CHTF18: variants seen among roughly 807,000 people sequenced by gnomAD.
CHTF18 encodes chromosome transmission fidelity factor 18.
Under a neutral mutation model 113.4 loss-of-function variants are expected in CHTF18, and 151 were observed. That is an observed-to-expected ratio of 1.33 (90% CI 1.17 to 1.52). The LOEUF (loss-of-function observed/expected upper bound fraction) is 1.52. Ranked by LOEUF, CHTF18 falls within the 40% of genes most tolerant of loss-of-function variation. The probability of loss-of-function intolerance (pLI) is 0.00; values close to 1 mark genes in which losing one functional copy is unlikely to be tolerated. For missense variants in CHTF18, 1,982 were observed against 1,381.6 expected (o/e 1.43, Z -6.89); for synonymous variants, 916 against 598.8 (o/e 1.53, Z -7.74).
Position 789,534 on chromosome 16 carries a change from G to A in CHTF18, c.438-13G>A, listed in dbSNP as rs577737771. 4.4e-6 allele frequency: 7 copies of A among 1,585,860 alleles called. No individual in the cohort carries two copies. The highest frequency in any genetic ancestry group is 3.5e-5 in the Admixed American group (2 of 57,818). On this transcript the variant is annotated splice_polypyrimidine_tract_variant and intron_variant, in intron 3 of 21. Transcript: ENST00000262315. ...GCTTGAGTTTCTGCCACTGAGCCCCGGTCTCTCTCCAGAGTCTCAGAAGCT... is the reference window on the plus strand; with the variant it reads ...GCTTGAGTTTCTGCCACTGAGCCCCAGTCTCTCTCCAGAGTCTCAGAAGCT...
At chr16:794,744 T>G (rs1479842522) in intron 15 of CHTF18, 2 of 261,816 alleles carry the variant, frequency 7.6e-6, no homozygotes, top group South Asian at 5.6e-5. Context: ...GGAACAGGGG[T>G]GGGGACGCCA....
chr16:793,146 C>T lies in CHTF18; in HGVS notation c.1674C>T (p.Phe558=), dbSNP rs763994893. 6.2e-6 allele frequency: 10 copies of T among 1,600,640 alleles called. No individual in the cohort carries two copies. The Admixed American group carries it at 6.8e-5, about 11-fold the overall frequency. Residue 558 remains phenylalanine, a splice_region_variant and synonymous_variant, in exon 14 of 22, where the codon TTC becomes TTT. Transcript: ENST00000262315. ...DIRACINTLQ[F]LYSRGQRELS... ...TCATGCCCCCGCCCTATGTCTAGTT[C>T]CTGTACAGCCGGGGCCAGCGGGAGC...
intron 4 of CHTF18, chr16:789,961 C>A: frequency 6.5e-7 from 1 of 1,533,678 alleles, no homozygotes; most frequent in South Asian, 1.2e-5. Flanking sequence ...CCTGCTTTTG[C>A]CCTTTCCTCC....
Position 792,471 on chromosome 16 carries a change from C to A in CHTF18, c.1359C>A (p.Asn453Lys). 6.3e-7 allele frequency: 1 copy of A among 1,579,520 alleles called. No individual in the cohort carries two copies. Among genetic ancestry groups the A allele is most frequent in the Non-Finnish European group, 8.6e-7 (1 of 1,163,128 alleles). Residue 453 changes from asparagine to lysine, a missense_variant, in exon 11 of 22, where the codon AAC (asparagine) becomes AAA (lysine). By Grantham distance (94) the Asn-to-Lys change is moderately conservative. Transcript: ENST00000262315. ...TCAACGTCCTCCTGAGCATCCTGAA[C>A]CGCAAGGGGCCACAGGAGGTGGGGC... The part of the protein sequence containing the change: ...AAINVLLSIL[N>K]RKGPQEVGPQ...
chr16:791,557 C>A lies in CHTF18; in HGVS notation c.1104+187C>A, dbSNP rs961156123. ...TAACAACTCGGGGGAAGTCGTTGTC[C>A]CTGAAGGGCTCTGCGGCTGGCCAGG... On this transcript the variant is annotated intron_variant, in intron 8 of 21. Coordinates refer to ENST00000262315, the MANE Select transcript of CHTF18 (RefSeq NM_022092.3). The A allele has an allele frequency of 7.7e-6, 11 of 1,434,462 alleles. No homozygotes were observed. In the Admixed American group the frequency reaches 3.1e-4, roughly 41 times the overall value. 88.9% of individuals were successfully genotyped at this position (1,434,462 alleles called of 1,614,324 possible).
In CHTF18 at chr16:792,793, G is replaced by T; in HGVS notation, c.1554G>T (p.Leu518=). 1 of 1,542,804 alleles carries T rather than the reference G, an allele frequency of 6.5e-7. No individual in the cohort carries two copies. The highest frequency in any genetic ancestry group is 1.4e-5 in the African/African-American group (1 of 73,226). Residue 518 remains leucine, a synonymous_variant, in exon 12 of 22, where the codon CTG becomes CTT. Coordinates refer to ENST00000262315, the MANE Select transcript of CHTF18 (RefSeq NM_022092.3). Reference sequence around the variant, plus strand: ...TCCCGCCGACTCTGCCCTCGAGGCTGGTGCAGCGGCTCCAGGAGGTCGGTG... The same window carrying T: ...TCCCGCCGACTCTGCCCTCGAGGCTTGTGCAGCGGCTCCAGGAGGTCGGTG... ...LHFPPTLPSR[L]VQRLQEVSLR...
chr16:794,505 T>C (rs1027208534), intron 15 of CHTF18, among the ~76,000 whole-genome samples: 3 of 152,006 alleles, frequency 2.0e-5, no homozygotes, highest in Non-Finnish European at 4.4e-5. Context: ...CCGGACAGCC[T>C]GGCCTGGGGC....
At chr16:790,889 C>T (rs973526306) in intron 7 of CHTF18, 176 of 1,432,072 alleles carry the variant, frequency 1.2e-4, no homozygotes, top group Non-Finnish European at 1.5e-4. Flanking sequence ...GTCACCTGAT[C>T]CAAGTCTCTG....
At chr16:794,349 T>A in intron 15 of CHTF18, 148 bp downstream of exon 15, 3 of 939,752 alleles carry the variant, frequency 3.2e-6, no homozygotes, top group Non-Finnish European at 4.7e-6. Flanking sequence ...TGCCAGGAAG[T>A]CTCTGAGGTG....
chr16:791,700 T>C, intron 8 of CHTF18, 151 bp from the exon 9 acceptor site: 1 of 1,433,064 alleles, frequency 7.0e-7, no homozygotes, highest in Non-Finnish European at 9.1e-7. Context: ...TCTTGGTGTG[T>C]GAAAGTGCTC....
Position 797,759 on chromosome 16 carries a change from TG to T in CHTF18, c.2791+13del. ...CAGCAGTCCCGAGTGCAGGTGTGTG[TG>T]GGGGTGTTGTGGGGTTGTGGGGGGC... On this transcript the variant is annotated intron_variant, in intron 21 of 21. Transcript: ENST00000262315. The T allele has an allele frequency of 9.6e-7, 1 of 1,040,112 alleles. No homozygotes were observed. The highest frequency in any genetic ancestry group is 3.1e-4 in the Middle Eastern group (1 of 3,176). 64.4% of individuals were successfully genotyped at this position (1,040,112 alleles called of 1,614,324 possible).
In CHTF18 at chr16:789,195, A is replaced by G. The variant is rs1279388372; in HGVS notation, c.287-15A>G. The G allele has an allele frequency of 6.4e-7, 1 of 1,550,562 alleles. No individual in the cohort carries two copies. Among genetic ancestry groups the G allele is most frequent in the African/African-American group, 1.4e-5 (1 of 73,168 alleles). On this transcript the variant is annotated splice_polypyrimidine_tract_variant and intron_variant, in intron 2 of 21. Coordinates refer to ENST00000262315, the MANE Select transcript of CHTF18 (RefSeq NM_022092.3). ...GCTGAGGAGGCCTCTGGTTCCCTGC[A>G]TGTGTCTCCCCCAGCCCCCAGGATC... is the stretch of plus-strand genomic sequence containing the variant.
rs777321758 is a variant in CHTF18, at chr16:798,018, G to C, written c.*43G>C. ...ATGCCCTCGCATTGCTTCCCGCAGA[G>C]TGCAGAGACAGGAAGCTGGAGATGT... On this transcript the variant is annotated 3_prime_UTR_variant, in exon 22 of 22. Transcript: ENST00000262315. The C allele has an allele frequency of 1.3e-6, 2 of 1,582,084 alleles. No individual in the cohort carries two copies. Among genetic ancestry groups the C allele is most frequent in the Admixed American group, 1.7e-5 (1 of 58,054 alleles).
intron 8 of CHTF18, 24 bp from the exon 9 acceptor site, chr16:791,827 C>A: frequency 6.3e-7 from 1 of 1,581,814 alleles, no homozygotes; most frequent in Non-Finnish European, 8.6e-7. Flanking sequence ...GTGCACACTA[C>A]GCCTTCATCT....
At position 791,038 on chromosome 16, in the gene CHTF18, G is replaced by T. The variant is rs1276476722; in HGVS notation, c.895-123G>T. On this transcript the variant is annotated intron_variant, in intron 7 of 21. Coordinates refer to ENST00000262315, the MANE Select transcript of CHTF18 (RefSeq NM_022092.3). ...GCGGTCACTCGCTGGCAGGAAGACG[G>T]GGGTGGCCATTCATCCTGTGGCTTG... is the stretch of plus-strand genomic sequence containing the variant. 20 of 1,485,068 alleles carry T rather than the reference G, an allele frequency of 1.3e-5. No homozygotes were observed. The Admixed American group carries it at 4.0e-4, about 30-fold the overall frequency. 92.0% of individuals were successfully genotyped at this position (1,485,068 alleles called of 1,614,324 possible).
At chr16:788,831 A>G in intron 1 of CHTF18, 56 bp downstream of exon 1, 1 of 1,547,164 alleles carries the variant, frequency 6.5e-7, no homozygotes, top group Non-Finnish European at 8.7e-7. Flanking sequence ...GACAGTGGCG[A>G]CCTCGGGGAG....
rs891551371 is a variant in CHTF18 at position 791,613 on chromosome 16, G to A, written c.1105-238G>A. 5 of 1,429,970 alleles carry A rather than the reference G, an allele frequency of 3.5e-6. No individual in the cohort carries two copies. The African/African-American group carries it at 7.2e-5, about 21-fold the overall frequency. 88.6% of individuals were successfully genotyped at this position (1,429,970 alleles called of 1,614,324 possible). A position where few individuals can be genotyped will look rare whatever the true frequency, so the allele number is the denominator to read the frequency against. On this transcript the variant is annotated intron_variant, in intron 8 of 21. Transcript: ENST00000262315. ...CTGGGTGGACGGTGGGTGGTTTCTG[G>A]GGGCCAGTCACACTGGTATCAGCTG...
In CHTF18 at chr16:797,018, G is replaced by T. The variant is rs1232348022; in HGVS notation, c.2659G>T (p.Val887Leu). Residue 887 changes from valine to leucine, a missense_variant, in exon 20 of 22, where the codon GTG (valine) becomes TTG (leucine). By Grantham distance (32) the Val-to-Leu change is conservative. Coordinates refer to ENST00000262315, the MANE Select transcript of CHTF18 (RefSeq NM_022092.3). ...GLLGGIGEKG[V>L]HRPAPRNHEQ... ...GCTGGGGGGCATTGGGGAGAAAGGG[G>T]TGCACCGACCTGCCCCACGCAACCA... 6.4e-7 allele frequency: 1 copy of T among 1,557,544 alleles called. No homozygotes were observed. Among genetic ancestry groups the T allele is most frequent in the Non-Finnish European group, 8.7e-7 (1 of 1,151,166 alleles).
chr16:792,832 C>G, intron 12 of CHTF18, 21 bp downstream of exon 12: 1 of 1,538,162 alleles, frequency 6.5e-7, no homozygotes, highest in Non-Finnish European at 8.7e-7. Flanking sequence ...CCCCAGGAGC[C>G]GTGTGGCTGA....
Sources: allele counts gnomAD v4.1 joint callset (sites outside exome capture counted in the v4.1 genomes callset), GRCh38; gene constraint gnomAD v4.1.1; transcripts MANE v1.5; gene names NCBI Gene and HGNC (gene_info 2026-07-23, HGNC 2026-07-21).